TTN: variants seen among roughly 807,000 people sequenced by gnomAD.
The protein encoded by TTN is titin.
TTN carries 1,525 observed loss-of-function variants against 3,223.0 expected under a neutral mutation model. The ratio of observed to expected loss-of-function variants is 0.47; its 90% CI spans 0.45 to 0.49. TTN has a LOEUF of 0.49. Among genes scored for constraint, TTN ranks in the 20% least tolerant of loss-of-function variants. The pLI is 0.00. For missense variants in TTN, 40,786 were observed against 43,424.0 expected, an observed-to-expected ratio of 0.94 and a Z score of 5.40; for synonymous variants, 14,094 against 15,161.0, an observed-to-expected ratio of 0.93 and a Z score of 5.17.
intron 113 of TTN, 139 bp downstream of exon 113, chr2:178,696,982 T>C: frequency 1.4e-6 from 1 of 725,054 alleles, no homozygotes; most frequent in South Asian, 2.1e-5. Context: ...TAGCCATCAT[T>C]TCTAATGCTA....
At position 178,617,783 on chromosome 2, in the gene TTN, T is replaced by C; in HGVS notation, c.47568A>G (p.Pro15856=). The change falls in exon 253 of 363, where the codon CCA becomes CCG. Residue 15856 remains proline, a synonymous_variant. Coordinates refer to ENST00000589042, the MANE Select transcript of TTN (RefSeq NM_001267550.2). ...TCCCTTTTTTGATGGGCTTACCAATTGGATCAGCAACTTTGACGAAGGGTG... is the reference window on the plus strand; with the variant it reads ...TCCCTTTTTTGATGGGCTTACCAATCGGATCAGCAACTTTGACGAAGGGTG... The part of the protein sequence containing the change: ...AATPFVKVAD[P]IERPSPPVNL... 6.2e-7 allele frequency: 1 copy of C among 1,612,202 alleles called. No individual in the cohort carries two copies. Among genetic ancestry groups the C allele is most frequent in the Non-Finnish European group, 8.5e-7 (1 of 1,178,888 alleles).
chr2:178,685,608 C>T lies in TTN; in HGVS notation c.32312-10G>A. 6.2e-7 allele frequency: 1 copy of T among 1,611,092 alleles called. No homozygotes were observed. ...TCAGGCTCTTCCATCACTTTAAAGA[C>T]AGCAGTTTTAAAGAAGATAAATTAC... On this transcript the variant is annotated splice_polypyrimidine_tract_variant and intron_variant, in intron 127 of 362. Transcript: ENST00000589042.
rs376189903 is a variant in TTN at position 178,706,925 on chromosome 2, T to A, written c.29071A>T (p.Lys9691Ter). Residue 9691 changes from lysine (K) to a stop codon, truncating the protein, a stop_gained, in exon 101 of 363, where the codon AAA becomes TAA. Transcript: ENST00000589042. LOFTEE classifies it high-confidence loss of function. ...AAGAGTCTTCCATCTACCGCAGCTTTCTTGGTTGCTGGGGCCACAGCTGGT... is the reference window on the plus strand; with the variant it reads ...AAGAGTCTTCCATCTACCGCAGCTTACTTGGTTGCTGGGGCCACAGCTGGT... ...DKPAVAPATK[K>*]AAVDGRLFFV... The A allele has an allele frequency of 3.1e-6, 5 of 1,611,706 alleles. No individual in the cohort carries two copies. Among genetic ancestry groups the A allele is most frequent in the Non-Finnish European group, 4.2e-6 (5 of 1,178,888 alleles).
Position 178,704,298 on chromosome 2 carries a change from A to G in TTN, c.30072T>C (p.Asn10024=). ...TACCTTGGGGTTTAAGGATTCTGCC[A>G]TTTCTGAACCATTCAGATTTTACAT... ...VPNVKSEWFR[N]GRILKPQGRH... Residue 10024 remains asparagine (N), a synonymous_variant, in exon 106 of 363, where the codon AAT becomes AAC. Coordinates refer to ENST00000589042, the MANE Select transcript of TTN (RefSeq NM_001267550.2). The G allele has an allele frequency of 6.2e-7, 1 of 1,613,954 alleles. No individual in the cohort carries two copies. The highest frequency in any genetic ancestry group is 8.5e-7 in the Non-Finnish European group (1 of 1,179,878).
chr2:178,553,178 C>T lies in TTN; in HGVS notation c.89722G>A (p.Gly29908Arg), dbSNP rs765712246. 1 of 1,613,816 alleles carries T rather than the reference C, an allele frequency of 6.2e-7. No homozygotes were observed. The highest frequency in any genetic ancestry group is 8.5e-7 in the Non-Finnish European group (1 of 1,179,782). The change falls in exon 335 of 363, where the codon GGA becomes AGA. Residue 29908 changes from glycine (G) to arginine (R), a missense_variant. Coordinates refer to ENST00000589042, the MANE Select transcript of TTN (RefSeq NM_001267550.2). ...TIPQVTRNDT[G>R]KYILTIENGV... ...TTTTCTATTGTGAGAATATATTTTCCTGTATCATTGCGAGTAACTTGAGGA... is the reference window on the plus strand; with the variant it reads ...TTTTCTATTGTGAGAATATATTTTCTTGTATCATTGCGAGTAACTTGAGGA...
In TTN at chr2:178,612,063, A is replaced by G. The variant is rs950940404; in HGVS notation, c.50348T>C (p.Ile16783Thr). 5 of 1,609,944 alleles carry G rather than the reference A, an allele frequency of 3.1e-6. No homozygotes were observed. In the African/African-American group the frequency reaches 4.0e-5, roughly 13 times the overall value. Residue 16783 changes from isoleucine to threonine, a missense_variant, in exon 267 of 363, where the codon ATA becomes ACA. Coordinates refer to ENST00000589042, the MANE Select transcript of TTN (RefSeq NM_001267550.2). ...GAATTAATTCAAATTCTACCTCTGTATTGGTCTTCCACCATCATTTTTAGG... is the reference window on the plus strand; with the variant it reads ...GAATTAATTCAAATTCTACCTCTGTGTTGGTCTTCCACCATCATTTTTAGG... ...EPPKNDGGRP[I>T]QRYVIEKKER...
chr2:178,632,383 T>C lies in TTN; in HGVS notation c.43511A>G (p.Lys14504Arg). 6.3e-7 allele frequency: 1 copy of C among 1,598,194 alleles called. No individual in the cohort carries two copies. Among genetic ancestry groups the C allele is most frequent in the Non-Finnish European group, 8.5e-7 (1 of 1,172,836 alleles). ...TTCCTTCTCTTTGGCAGTTACATCT[T>C]TGAGAGGGGTGAGGAATTTGAGCCG... Reference protein sequence around the residue: ...GIRLKFLTPLKDVTAKEKESA... With the variant: ...GIRLKFLTPLRDVTAKEKESA... Residue 14504 changes from lysine (K) to arginine (R), a missense_variant, in exon 236 of 363, where the codon AAA becomes AGA. By Grantham distance (26) the Lys-to-Arg change is conservative (BLOSUM62 2). Coordinates refer to ENST00000589042, the MANE Select transcript of TTN (RefSeq NM_001267550.2).
At chr2:178,647,547 C>T (rs905943202) in intron 213 of TTN, 83 bp from the exon 214 acceptor site, 179 of 1,311,074 alleles carry the variant, frequency 1.4e-4, no homozygotes, top group Non-Finnish European at 1.8e-4. Context: ...AATGCAGGGG[C>T]AAGAGCTTCA....
In TTN at chr2:178,664,057, A is replaced by T. The variant is rs989137248; in HGVS notation, c.36322T>A (p.Ser12108Thr). Reference sequence around the variant, plus strand: ...TCAGGCTTTTTAGGAGGCACCACCGACACTTTCTTTTCAGGGATAATCTCT... The same window carrying T: ...TCAGGCTTTTTAGGAGGCACCACCGTCACTTTCTTTTCAGGGATAATCTCT... ...PKEIIPEKKV[S>T]VVPPKKPEVP... is the part of the protein sequence containing the mutation. Residue 12108 changes from serine (S) to threonine (T), a missense_variant, in exon 169 of 363, where the codon TCG becomes ACG. Coordinates refer to ENST00000589042, the MANE Select transcript of TTN (RefSeq NM_001267550.2). 9 of 1,613,050 alleles carry T rather than the reference A, an allele frequency of 5.6e-6. No homozygotes were observed. The Admixed American group carries it at 6.7e-5, about 12-fold the overall frequency.
chr2:178,573,663 G>A lies in TTN; in HGVS notation c.72469C>T (p.His24157Tyr). The A allele has an allele frequency of 6.6e-7, 1 of 1,515,504 alleles. No individual in the cohort carries two copies. The highest frequency in any genetic ancestry group is 8.8e-7 in the Non-Finnish European group (1 of 1,133,760). The allele number at this position is 1,515,504 out of a possible 1,614,324, so 93.9% of individuals were successfully genotyped here. A position where few individuals can be genotyped will look rare whatever the true frequency, so the allele number is the denominator to read the frequency against. ...PLDDGGAKID[H>Y]YIVQKRETSR... ...GTTTCACGTTTCTGTACTATGTAAT[G>A]ATCAATTTTGGCACCTCCATCATCC... is the stretch of plus-strand genomic sequence containing the variant. The change falls in exon 326 of 363, where the codon CAT (histidine) becomes TAT (tyrosine). Residue 24157 changes from histidine (H) to tyrosine (Y), a missense_variant. Transcript: ENST00000589042.
chr2:178,571,919 G>C lies in TTN; in HGVS notation c.74213C>G (p.Pro24738Arg). 1 of 1,613,260 alleles carries C rather than the reference G, an allele frequency of 6.2e-7. No individual in the cohort carries two copies. ...LAGEDLKVDVPFIGRPTPAVT... is the reference protein window; with the variant it reads ...LAGEDLKVDVRFIGRPTPAVT... The stretch of plus-strand genomic sequence containing the variant: ...AGCTGGGGTAGGGCGGCCAATGAAT[G>C]GAACATCAACTTTTAGGTCTTCACC... The change falls in exon 326 of 363, where the codon CCA becomes CGA. Residue 24738 changes from proline (P) to arginine (R), a missense_variant. Pro to Arg is a moderately radical substitution (Grantham distance 103). Coordinates refer to ENST00000589042, the MANE Select transcript of TTN (RefSeq NM_001267550.2).
chr2:178,579,418 C>T, intron 319 of TTN, 25 bp from the exon 320 acceptor site: 1 of 1,553,464 alleles, frequency 6.4e-7, no homozygotes, highest in Non-Finnish European at 8.6e-7. Flanking sequence ...AGATAAATTA[C>T]TGTTATTTTT....
chr2:178,672,543 A>T, intron 153 of TTN, 62 bp from the exon 154 acceptor site: 9 of 1,599,728 alleles, frequency 5.6e-6, no homozygotes, highest in Non-Finnish European at 7.7e-6. Flanking sequence ...GACAAAAATC[A>T]TCAAAAACAA....
rs779924820 is a variant in TTN at position 178,533,156 on chromosome 2, G to T, written c.103459C>A (p.Leu34487Ile). 5.0e-6 allele frequency: 8 copies of T among 1,613,842 alleles called. No homozygotes were observed. Among genetic ancestry groups the T allele is most frequent in the African/African-American group, 4.0e-5 (3 of 74,924 alleles). The stretch of plus-strand genomic sequence containing the variant: ...AGTGGTACACTTTCAGTTCCAGAAA[G>T]AATTTCAGCCATTCTGAGGGTTTTG... ...IDKTLRMAEI[L>I]SGTESVPLTQ... is the part of the protein sequence containing the mutation. Residue 34487 changes from leucine to isoleucine, a missense_variant, in exon 358 of 363, where the codon CTT (leucine) becomes ATT (isoleucine). Transcript: ENST00000589042.
Position 178,593,412 on chromosome 2 carries a change from G to A in TTN, c.58796C>T (p.Thr19599Ile), listed in dbSNP as rs367816473. Reference sequence around the variant, plus strand: ...TCCTCCATCATGTGGCTTATTCCAGGTTACTAATGCAGAGTCTTTGGTAAC... The same window carrying A: ...TCCTCCATCATGTGGCTTATTCCAGATTACTAATGCAGAGTCTTTGGTAAC... The part of the protein sequence containing the change: ...TEVTKDSALV[T>I]WNKPHDGGKP... Residue 19599 changes from threonine (T) to isoleucine (I), a missense_variant, in exon 299 of 363, where the codon ACC (threonine) becomes ATC (isoleucine). Coordinates refer to ENST00000589042, the MANE Select transcript of TTN (RefSeq NM_001267550.2). 45 of 1,613,160 alleles carry A rather than the reference G, an allele frequency of 2.8e-5. No individual in the cohort carries two copies. The African/African-American group carries it at 4.5e-4, about 16-fold the overall frequency.
chr2:178,631,171 T>G lies in TTN; in HGVS notation c.43877A>C (p.Lys14626Thr). 1 of 1,613,280 alleles carries G rather than the reference T, an allele frequency of 6.2e-7. No individual in the cohort carries two copies. The highest frequency in any genetic ancestry group is 8.5e-7 in the Non-Finnish European group (1 of 1,179,572). Residue 14626 changes from lysine (K) to threonine (T), a missense_variant, in exon 237 of 363, where the codon AAG becomes ACG. Physicochemically the swap from Lys to Thr is moderately conservative, Grantham distance 78. Transcript: ENST00000589042. ...CTTAATAACAGCATTTTTGGATGGC[T>G]TTATTTCCTTCCCATCCTTAAACCA... ...VKWFKDGKEI[K>T]PSKNAVIKAD...
Position 178,532,104 on chromosome 2 carries a change from CAGT to C in TTN, c.104508_104510del (p.Leu34837del), listed in dbSNP as rs754577440. 3.7e-6 allele frequency: 6 copies of C among 1,613,842 alleles called. No homozygotes were observed. Among genetic ancestry groups the C allele is most frequent in the South Asian group, 1.1e-5 (1 of 91,088 alleles). On this transcript the variant is annotated inframe_deletion, in exon 358 of 363. Coordinates refer to ENST00000589042, the MANE Select transcript of TTN (RefSeq NM_001267550.2). The stretch of plus-strand genomic sequence containing the variant: ...TTGGAGACAGGGAGCGCCGTCGTCT[CAGT>C]AGTCTAGACGCAGATGAGGATGATT...
intron 34 of TTN, chr2:178,770,929 A>G: frequency 1.3e-6 from 1 of 772,072 alleles, no homozygotes. Flanking sequence ...TATTAGCAGC[A>G]TAATAGACTG....
intron 3 of TTN, among the ~76,000 whole-genome samples, 194 bp from the exon 4 acceptor site, chr2:178,800,876 A>G (rs778535399): frequency 3.3e-5 from 5 of 152,208 alleles, no homozygotes; most frequent in Non-Finnish European, 5.9e-5. Flanking sequence ...AGGCTTTCTC[A>G]CCACCATATT....
Sources: gnomAD v4.1 joint callset for allele counts (sites outside exome capture counted in the v4.1 genomes callset) on GRCh38, gnomAD v4.1.1 for gene constraint, MANE v1.5 for transcripts, NCBI Gene and HGNC (gene_info 2026-07-23, HGNC 2026-07-21) for gene names.